The following RTKN2 variants were observed in gnomAD, a reference collection of about 807,000 sequenced individuals.
RTKN2 encodes the protein rhotekin-2.
In RTKN2, 69 loss-of-function variants were observed where a neutral mutation model predicts 71.5. That is an observed-to-expected ratio of 0.96 (90% CI 0.79 to 1.18). The LOEUF (loss-of-function observed/expected upper bound fraction) is 1.18. Ranked by LOEUF, RTKN2 falls within the 50% of genes most tolerant of loss-of-function variation. The pLI is 0.00. For synonymous variants in RTKN2, 236 were observed against 236.5 expected (o/e 1.00, Z 0.02); for missense variants, 724 against 719.7 (o/e 1.01, Z -0.07).
intron 10 of RTKN2, among the ~76,000 whole-genome samples, chr10:62,203,440 C>G (rs184352372): frequency 3.5e-4 from 53 of 151,278 alleles, no homozygotes; most frequent in Admixed American, 1.7e-3. Flanking sequence ...CACCTCCTGG[C>G]TTCAAGCAAT....
At chr10:62,202,707 T>C (rs1841468411) in intron 10 of RTKN2, among the ~76,000 whole-genome samples, 1 of 152,146 alleles carries the variant, frequency 6.6e-6, no homozygotes, top group Non-Finnish European at 1.5e-5. Flanking sequence ...TGTCATGAGG[T>C]TCTTATTCTT....
chr10:62,262,349 T>C (rs933501262), intron 2 of RTKN2, among the ~76,000 whole-genome samples: 5 of 152,206 alleles, frequency 3.3e-5, no homozygotes, highest in African/African-American at 4.8e-5. Context: ...CTATCAATAT[T>C]GGTACTTTCT....
rs1338333155 is a variant in RTKN2 at position 62,218,251 on chromosome 10, C to G, written c.832G>C (p.Val278Leu). 6.2e-7 allele frequency: 1 copy of G among 1,613,312 alleles called. No individual in the cohort carries two copies. The highest frequency in any genetic ancestry group is 8.5e-7 in the Non-Finnish European group (1 of 1,179,710). ...PLYGNMCCRL[V>L]AQPACMAEDA... ...TCAGCCATACAAGCTGGCTGGGCAA[C>G]TAGTCGGCAGCACATGTTGCCATAC... The change falls in exon 8 of 12, where the codon GTT (valine) becomes CTT (leucine). Residue 278 changes from valine to leucine, a missense_variant. Transcript: ENST00000373789.
chr10:62,260,207 T>G (rs1314673126), intron 2 of RTKN2, among the ~76,000 whole-genome samples: 1 of 152,200 alleles, frequency 6.6e-6, no homozygotes, highest in African/African-American at 2.4e-5. Context: ...ATATACAATA[T>G]TGTCATATTT....
Position 62,195,511 on chromosome 10 carries a change from A to G in RTKN2, c.*2397T>C. ...GACAGAAGGAAAGTGGGAAAAGGGG[A>G]TGAGACAGAGAGAGAGGACAGGGGG... On this transcript the variant is annotated 3_prime_UTR_variant, in exon 12 of 12. Transcript: ENST00000373789. 1.2e-6 allele frequency: 1 copy of G among 823,556 alleles called. No individual in the cohort carries two copies. The highest frequency in any genetic ancestry group is 1.5e-6 in the Non-Finnish European group (1 of 682,446). The allele number at this position is 823,556 out of a possible 1,614,324, so 51.0% of individuals were successfully genotyped here.
At chr10:62,257,677 T>A (rs1842699926) in intron 2 of RTKN2, among the ~76,000 whole-genome samples, 1 of 152,188 alleles carries the variant, frequency 6.6e-6, no homozygotes, top group Non-Finnish European at 1.5e-5. Flanking sequence ...GAATGCCTAT[T>A]TCAGTAAATG....
intron 1 of RTKN2, among the ~76,000 whole-genome samples, chr10:62,263,176 G>A (rs1842805559): frequency 6.6e-6 from 1 of 152,142 alleles, no homozygotes; most frequent in African/African-American, 2.4e-5. Flanking sequence ...GATGTAATTA[G>A]GTAAAATGAG....
At chr10:62,223,712 T>C (rs1286737540) in intron 6 of RTKN2, among the ~76,000 whole-genome samples, 2 of 152,194 alleles carry the variant, frequency 1.3e-5, no homozygotes, top group Non-Finnish European at 2.9e-5. Context: ...AAAACCTTTG[T>C]ACATTGCTGG....
At chr10:62,184,215 G>A (rs1841098588) in exon 9 of RTKN2, 3 of 687,488 alleles carry the variant, frequency 4.4e-6, no homozygotes, top group South Asian at 3.8e-5. Flanking sequence ...TAGGAATACA[G>A]GAAGGAGACG....
chr10:62,195,319 CTCA>C lies in RTKN2; in HGVS notation c.*2586_*2588del. Reference sequence around the variant, plus strand: ...AAAGGACAAACAAGGAATGTGAAAGCTCATAAAAAGCTGAAGCAGCTTTCATAT... The same window carrying C: ...AAAGGACAAACAAGGAATGTGAAAGCTAAAAAGCTGAAGCAGCTTTCATAT... On this transcript the variant is annotated 3_prime_UTR_variant, in exon 12 of 12. Coordinates refer to ENST00000373789, the MANE Select transcript of RTKN2 (RefSeq NM_145307.4). 1 of 985,142 alleles carries C rather than the reference CTCA, an allele frequency of 1.0e-6. No homozygotes were observed. The highest frequency in any genetic ancestry group is 1.2e-6 in the Non-Finnish European group (1 of 829,764). The allele number at this position is 985,142 out of a possible 1,614,324, so 61.0% of individuals were successfully genotyped here. A position where few individuals can be genotyped will look rare whatever the true frequency, so the allele number is the denominator to read the frequency against.
At chr10:62,184,254 T>C in exon 9 of RTKN2, 1 of 1,048,628 alleles carries the variant, frequency 9.5e-7, no homozygotes, top group Non-Finnish European at 1.4e-6. Flanking sequence ...GAAGCTTACA[T>C]TCTACTAGAG....
downstream of RTKN2, among the ~76,000 whole-genome samples, chr10:62,189,945 T>G (rs1441509155): frequency 6.6e-6 from 1 of 151,958 alleles, no homozygotes; most frequent in African/African-American, 2.4e-5. Flanking sequence ...TACTTCAAGG[T>G]CTGGTTCAAA....
intron 9 of RTKN2, among the ~76,000 whole-genome samples, chr10:62,209,790 T>C (rs1254408438): frequency 1.3e-5 from 2 of 152,200 alleles, no homozygotes; most frequent in African/African-American, 4.8e-5. Context: ...GCAAAGGACA[T>C]GATCTAGTTC....
chr10:62,254,505 A>G (rs141719267), intron 2 of RTKN2, among the ~76,000 whole-genome samples: 1 of 152,314 alleles, frequency 6.6e-6, no homozygotes, highest in African/African-American at 2.4e-5. Flanking sequence ...TAGCATTGTG[A>G]GAACAAAGTA....
intron 2 of RTKN2, among the ~76,000 whole-genome samples, chr10:62,261,472 T>A (rs577017375): frequency 2.0e-5 from 3 of 151,884 alleles, no homozygotes; most frequent in African/African-American, 7.3e-5. Flanking sequence ...AAACCCCATC[T>A]CTACTAAAAA....
Position 62,197,449 on chromosome 10 carries a change from A to G in RTKN2, c.*459T>C. ...TAGATGAGAATTCCAGAATGCTAAG[A>G]AAATTTTCTTGGGTGGATTCTATAA... On this transcript the variant is annotated 3_prime_UTR_variant, in exon 12 of 12. Transcript: ENST00000373789. 1.0e-6 allele frequency: 1 copy of G among 986,618 alleles called. No homozygotes were observed. The allele number at this position is 986,618 out of a possible 1,614,324, so 61.1% of individuals were successfully genotyped here.
intron 2 of RTKN2, chr10:62,259,272 T>C (rs1332686025): frequency 5.9e-6 from 2 of 338,638 alleles, no homozygotes; most frequent in Admixed American, 6.6e-5. Context: ...AAACCTCTTT[T>C]TCTTAATACT....
At chr10:62,186,455 G>A (rs529371504) in intron 8 of RTKN2, among the ~76,000 whole-genome samples, 14 of 151,504 alleles carry the variant, frequency 9.2e-5, no homozygotes, top group Non-Finnish European at 1.3e-4. Flanking sequence ...AAGACAGAAC[G>A]CAGTAGCGGA....
chr10:62,206,253 C>T (rs190497640), intron 9 of RTKN2, among the ~76,000 whole-genome samples: 74 of 152,050 alleles, frequency 4.9e-4, no homozygotes, highest in African/African-American at 1.6e-3. Flanking sequence ...TAATGTGTGA[C>T]AATAATATTT....
Sources: allele counts gnomAD v4.1 joint callset (sites outside exome capture counted in the v4.1 genomes callset), GRCh38; gene constraint gnomAD v4.1.1; transcripts MANE v1.5; gene names NCBI Gene and HGNC (gene_info 2026-07-23, HGNC 2026-07-21).